Variants in WDPCP observed in about 807,000 individuals in gnomAD.
WDPCP encodes the protein WD repeat-containing and planar cell polarity effector protein fritz homolog.
In WDPCP, 71 loss-of-function variants were observed where a neutral mutation model predicts 93.1. The ratio of observed to expected loss-of-function variants is 0.76; its 90% CI spans 0.63 to 0.93. WDPCP has a LOEUF of 0.93. Ranked by LOEUF, WDPCP falls within the 40% of genes least tolerant of loss-of-function variation. The probability of loss-of-function intolerance (pLI) is 0.00; values close to 1 mark genes in which losing one functional copy is unlikely to be tolerated. For synonymous variants in WDPCP, 315 were observed against 315.0 expected, an observed-to-expected ratio of 1.00 and a Z score of 0.00; for missense variants, 844 against 887.4, an observed-to-expected ratio of 0.95 and a Z score of 0.62.
At chr2:63,549,886 A>C (rs1705450382) in intron 1 of WDPCP, among the ~76,000 whole-genome samples, 1 of 152,044 alleles carries the variant, frequency 6.6e-6, no homozygotes, top group Non-Finnish European at 1.5e-5. Context: ...TGTTGCTCCA[A>C]ATAGTAAGAA....
intron 10 of WDPCP, among the ~76,000 whole-genome samples, chr2:63,391,994 C>G (rs920607019): frequency 1.1e-4 from 16 of 152,190 alleles, no homozygotes; most frequent in Non-Finnish European, 2.2e-4. Context: ...CCATCCCCAT[C>G]AAGCTACCAA....
At chr2:63,597,650 C>CAAAATTATTTGCCCT in intron 3 of WDPCP, 1 of 1,271,524 alleles carries the variant, frequency 7.9e-7, no homozygotes. Flanking sequence ...TAAGCAAAAC[C>CAAAATTATTTGCCCT]AAAATTATTT....
At chr2:63,633,609 G>GA (rs1212308524) in intron 3 of WDPCP, among the ~76,000 whole-genome samples, 3 of 151,436 alleles carry the variant, frequency 2.0e-5, no homozygotes, top group Non-Finnish European at 4.4e-5. Flanking sequence ...AAGATAAACA[G>GA]AAAAAAATCA....
intron 2 of WDPCP, among the ~76,000 whole-genome samples, chr2:63,771,485 T>C (rs1214010368): frequency 6.6e-6 from 1 of 151,872 alleles, no homozygotes; most frequent in Admixed American, 6.6e-5. Context: ...ATAACACCAA[T>C]CTTACACAAA....
intron 10 of WDPCP, chr2:63,403,563 T>A (rs1259102815): frequency 6.5e-6 from 1 of 154,112 alleles, no homozygotes; most frequent in Non-Finnish European, 1.4e-5. Context: ...TATACAGGTA[T>A]CTTCAGCAAA....
At position 63,599,043 on chromosome 2, in the gene WDPCP, G is replaced by A. The variant is rs931776445; in HGVS notation, n.488+51616C>T. Reference sequence around the variant, plus strand: ...AAAATGCATTTTCCTATGCTATATTGTATTTGGTGTTTCCCAAGCCTCCCC... The same window carrying A: ...AAAATGCATTTTCCTATGCTATATTATATTTGGTGTTTCCCAAGCCTCCCC... On this transcript the variant is annotated intron_variant and non_coding_transcript_variant, in intron 3 of 4. Transcript: ENST00000467687. The A allele has an allele frequency of 6.8e-6, 5 of 740,340 alleles. No homozygotes were observed. In the South Asian group the frequency reaches 1.5e-4, roughly 22 times the overall value. 45.9% of individuals were successfully genotyped at this position (740,340 alleles called of 1,614,324 possible).
At chr2:63,463,149 CAAA>C (rs76868317) in intron 6 of WDPCP, among the ~76,000 whole-genome samples, 1 of 121,496 alleles carries the variant, frequency 8.2e-6, no homozygotes. Flanking sequence ...CTGAAAGAAC[CAAA>C]AAAAAAAAAA....
intron 12 of WDPCP, among the ~76,000 whole-genome samples, chr2:63,315,835 G>T (rs1020187723): frequency 1.6e-4 from 24 of 151,698 alleles, no homozygotes; most frequent in African/African-American, 4.9e-4. Context: ...ATAGCTCACT[G>T]TAACATCAAC....
At chr2:63,496,790 T>A (rs1181446061) in intron 1 of WDPCP, among the ~76,000 whole-genome samples, 1 of 152,118 alleles carries the variant, frequency 6.6e-6, no homozygotes, top group East Asian at 1.9e-4. Context: ...GACCCTTTTG[T>A]GGCCCCACAG....
intron 1 of WDPCP, among the ~76,000 whole-genome samples, chr2:63,498,659 T>A (rs1701369169): frequency 6.6e-6 from 1 of 152,220 alleles, no homozygotes; most frequent in African/African-American, 2.4e-5. Context: ...ATCTGCAAAA[T>A]ACCTGTACTC....
chr2:63,145,270 C>T (rs1671403355), intron 17 of WDPCP, among the ~76,000 whole-genome samples: 1 of 151,372 alleles, frequency 6.6e-6, no homozygotes, highest in Non-Finnish European at 1.5e-5. Context: ...AAAGCATCAG[C>T]TGTAGTAATA....
intron 14 of WDPCP, among the ~76,000 whole-genome samples, chr2:63,184,685 T>C (rs1674492754): frequency 6.6e-6 from 1 of 152,208 alleles, no homozygotes; most frequent in African/African-American, 2.4e-5. Flanking sequence ...TTAATGACTA[T>C]ACGTTGTGGT....
intron 15 of WDPCP, among the ~76,000 whole-genome samples, chr2:63,169,038 A>G (rs1444015585): frequency 6.6e-6 from 1 of 152,086 alleles, no homozygotes; most frequent in Admixed American, 6.6e-5. Flanking sequence ...CAGTGAGCTT[A>G]TTCTATCTTA....
chr2:63,620,683 G>A (rs561213291), intron 3 of WDPCP, among the ~76,000 whole-genome samples: 1 of 152,342 alleles, frequency 6.6e-6, no homozygotes, highest in Non-Finnish European at 1.5e-5. Context: ...CTAAGGGACA[G>A]ACTGTCTCCT....
At chr2:63,576,669 C>G (rs1190641788) in intron 1 of WDPCP, among the ~76,000 whole-genome samples, 2 of 152,188 alleles carry the variant, frequency 1.3e-5, no homozygotes, top group Non-Finnish European at 2.9e-5. Flanking sequence ...TGGGGTTCAG[C>G]TGAAAGAGCC....
chr2:63,711,759 C>T (rs1669266924), intron 2 of WDPCP, among the ~76,000 whole-genome samples: 1 of 152,120 alleles, frequency 6.6e-6, no homozygotes, highest in South Asian at 2.1e-4. Flanking sequence ...AGACACAGTT[C>T]TTAAAACGAA....
chr2:63,431,771 A>C (rs1263830150), intron 9 of WDPCP, among the ~76,000 whole-genome samples: 1 of 152,136 alleles, frequency 6.6e-6, no homozygotes, highest in African/African-American at 2.4e-5. Context: ...TAAAAAAGAA[A>C]TCTTTACAAA....
At chr2:63,210,467 G>C (rs1346869983) in intron 14 of WDPCP, among the ~76,000 whole-genome samples, 1 of 152,178 alleles carries the variant, frequency 6.6e-6, no homozygotes, top group Non-Finnish European at 1.5e-5. Flanking sequence ...AATAGTTAAT[G>C]TAGGGGGAAG....
intron 15 of WDPCP, among the ~76,000 whole-genome samples, chr2:63,172,155 G>A (rs568274552): frequency 1.3e-5 from 2 of 152,100 alleles, no homozygotes; most frequent in East Asian, 3.9e-4. Flanking sequence ...TCACTGACTT[G>A]TATACTTACA....
Sources: gnomAD v4.1 joint callset for allele counts (sites outside exome capture counted in the v4.1 genomes callset) on GRCh38, gnomAD v4.1.1 for gene constraint, MANE v1.5 for transcripts, NCBI Gene and HGNC (gene_info 2026-07-23, HGNC 2026-07-21) for gene names.